The following IDI1 variants were observed in gnomAD, a reference collection of about 807,000 sequenced individuals.
The protein encoded by IDI1 is isopentenyl-diphosphate Delta-isomerase 1.
IDI1 carries 23 observed loss-of-function variants against 32.9 expected under a neutral mutation model. The observed-to-expected ratio is 0.70, with a 90% CI of 0.50 to 0.99. The LOEUF (loss-of-function observed/expected upper bound fraction) is 0.99, where lower values mean the gene tolerates loss of function less well. Ranked by LOEUF, IDI1 falls within the 50% of genes least tolerant of loss-of-function variation. IDI1 has a pLI of 0.00. For synonymous variants in IDI1, 133 were observed against 128.2 expected (o/e 1.04, Z -0.25); for missense variants, 326 against 351.9 (o/e 0.93, Z 0.59).
the IDI1 span, chr10:1,056,495 G>A: frequency 2.0e-5 from 3 of 152,086 alleles, no homozygotes; most frequent in Non-Finnish European, 2.9e-5. Context: ...GGCGGACCGC[G>A]CCCCGGGCTC....
chr10:1,041,587 C>G (rs2472532), intron 4 of IDI1, 83 bp from the exon 5 acceptor site: 2 of 678,440 alleles, frequency 2.9e-6, no homozygotes, highest in African/African-American at 3.6e-5. Context: ...TGTATTACAG[C>G]GATATCTCGA....
chr10:1,048,694 C>T, intron 1 of IDI1, 170 bp downstream of exon 1: 1 of 1,416,336 alleles, frequency 7.1e-7, no homozygotes. Flanking sequence ...CCGGGAAGGC[C>T]CGGCCTCCCT....
At position 1,049,058 on chromosome 10, in the gene IDI1, G is replaced by C; in HGVS notation, c.-55C>G. 1 of 1,444,478 alleles carries C rather than the reference G, an allele frequency of 6.9e-7. No individual in the cohort carries two copies. Among genetic ancestry groups the C allele is most frequent in the Non-Finnish European group, 9.0e-7 (1 of 1,107,190 alleles). 89.5% of individuals were successfully genotyped at this position (1,444,478 alleles called of 1,614,324 possible). ...TGACGACACAATCTCGCCAAGCTTCGCCTGGTGGTGCCACCTCCCTGGCCT... is the reference window on the plus strand; with the variant it reads ...TGACGACACAATCTCGCCAAGCTTCCCCTGGTGGTGCCACCTCCCTGGCCT... On this transcript the variant is annotated 5_prime_UTR_variant, in exon 1 of 5. Transcript: ENST00000381344.
intron 1 of IDI1, among the ~76,000 whole-genome samples, chr10:1,044,580 T>C (rs1348369556): frequency 1.3e-5 from 2 of 152,224 alleles, no homozygotes; most frequent in Non-Finnish European, 2.9e-5. Context: ...TGAATTGTTT[T>C]TCCCACTGCC....
chr10:1,048,903 T>A lies in IDI1; in HGVS notation c.101A>T (p.His34Leu). 1 of 1,606,456 alleles carries A rather than the reference T, an allele frequency of 6.2e-7. No individual in the cohort carries two copies. The highest frequency in any genetic ancestry group is 2.3e-5 in the East Asian group (1 of 44,388). Residue 34 changes from histidine (H) to leucine (L), a missense_variant, in exon 1 of 5, where the codon CAT (histidine) becomes CTT (leucine). Transcript: ENST00000381344. ...RAADCAQSGR[H>L]PGPAVVCGRR... ...GCCACAGACAACCGCCGGTCCCGGATGGCGCCCGCTTTGAGCACAGTCTGC... is the reference window on the plus strand; with the variant it reads ...GCCACAGACAACCGCCGGTCCCGGAAGGCGCCCGCTTTGAGCACAGTCTGC...
At chr10:1,052,039 A>C (rs537922279), upstream of IDI1, among the ~76,000 whole-genome samples, 16 of 152,232 alleles carry the variant, frequency 1.1e-4, no homozygotes, top group Non-Finnish European at 2.2e-4. Flanking sequence ...TGCCCGGCTA[A>C]TTTTTGTATT....
chr10:1,048,462 C>T, intron 1 of IDI1: 1 of 1,260,348 alleles, frequency 7.9e-7, no homozygotes. Context: ...GGTGTCGTCA[C>T]GCTCGTGTTT....
chr10:1,046,003 A>G (rs1054388155), intron 1 of IDI1, among the ~76,000 whole-genome samples: 2 of 152,230 alleles, frequency 1.3e-5, no homozygotes, highest in African/African-American at 4.8e-5. Flanking sequence ...TAATGTGAAA[A>G]GGAAGTCAAC....
At chr10:1,044,314 C>T (rs1317892238) in intron 1 of IDI1, 143 bp from the exon 2 acceptor site, 15 of 610,072 alleles carry the variant, frequency 2.5e-5, no homozygotes, top group African/African-American at 5.6e-5. Context: ...CGCTGCCAGC[C>T]GGCTGCTCAG....
chr10:1,042,819 T>C lies in IDI1; in HGVS notation c.407-57A>G, dbSNP rs7075193. ...TTTTCTTCAAAGTAGGTCTGAAAGA[T>C]CAAGAAAAAGTTTTATAAGTAACTG... On this transcript the variant is annotated intron_variant, in intron 3 of 4. Coordinates refer to ENST00000381344, the MANE Select transcript of IDI1 (RefSeq NM_004508.4). 12,720 of 1,515,288 alleles carry C rather than the reference T, an allele frequency of 8.4e-3. 975 individuals carry two copies. The African/African-American group carries it at 0.16, about 19-fold the overall frequency. The allele number at this position is 1,515,288 out of a possible 1,614,324, so 93.9% of individuals were successfully genotyped here. A position where few individuals can be genotyped will look rare whatever the true frequency, so the allele number is the denominator to read the frequency against.
At position 1,041,206 on chromosome 10, in the gene IDI1, T is replaced by G. The variant is rs1476909600; in HGVS notation, c.836A>C (p.Glu279Ala). Residue 279 changes from glutamate to alanine, a missense_variant, in exon 5 of 5, where the codon GAG (glutamate) becomes GCG (alanine). Glu to Ala is a moderately radical substitution (Grantham distance 107). Transcript: ENST00000381344. ...LNHLNQFVDH[E>A]KIYRM ...ACATATTCACATTCTGTATATTTTC[T>G]CATGGTCAACAAACTGATTCAAATG... 4 of 1,601,760 alleles carry G rather than the reference T, an allele frequency of 2.5e-6. No individual in the cohort carries two copies. The highest frequency in any genetic ancestry group is 2.6e-6 in the Non-Finnish European group (3 of 1,170,902).
In IDI1 at chr10:1,042,626, GGTTACCT is replaced by G; in HGVS notation, c.536_537+5del. The G allele has an allele frequency of 6.2e-7, 1 of 1,613,574 alleles. No homozygotes were observed. The highest frequency in any genetic ancestry group is 8.5e-7 in the Non-Finnish European group (1 of 1,179,672). On this transcript the variant is annotated splice_donor_variant and splice_donor_5th_base_variant and coding_sequence_variant and intron_variant, in exon 4 of 5. Transcript: ENST00000381344. LOFTEE classifies it high-confidence loss of function. ...GCTTGTATGGTTGTGTAGGAGAGCTGGTTACCTCTTCCAAGGGAATTCCTAGCTCAGC... is the reference window on the plus strand; with the variant it reads ...GCTTGTATGGTTGTGTAGGAGAGCTGCTTCCAAGGGAATTCCTAGCTCAGC...
At chr10:1,043,076 T>G (rs1041657577) in intron 3 of IDI1, among the ~76,000 whole-genome samples, 11 of 152,172 alleles carry the variant, frequency 7.2e-5, no homozygotes, top group African/African-American at 2.4e-4. Context: ...TAATACAGAT[T>G]AAAGATAAAT....
upstream of IDI1, among the ~76,000 whole-genome samples, chr10:1,050,613 G>T (rs187038167): frequency 6.6e-6 from 1 of 152,294 alleles, no homozygotes; most frequent in Non-Finnish European, 1.5e-5. Flanking sequence ...TCCAGTTCTG[G>T]GTCATGTGTA....
At chr10:1,056,050 G>GTCGGCC in the IDI1 span, among the ~76,000 whole-genome samples, 1 of 152,096 alleles carries the variant, frequency 6.6e-6, no homozygotes, top group Non-Finnish European at 1.5e-5. Context: ...CTCGTGATAC[G>GTCGGCC]TCGGCCTCGG....
At position 1,048,899 on chromosome 10, in the gene IDI1, C is replaced by G. The variant is rs767387051; in HGVS notation, c.105G>C (p.Pro35=). ...TCCGGCCACAGACAACCGCCGGTCC[C>G]GGATGGCGCCCGCTTTGAGCACAGT... ...AADCAQSGRH[P]GPAVVCGRRL... The change falls in exon 1 of 5, where the codon CCG becomes CCC. Residue 35 remains proline (P), a synonymous_variant. Coordinates refer to ENST00000381344, the MANE Select transcript of IDI1 (RefSeq NM_004508.4). The G allele has an allele frequency of 9.3e-6, 15 of 1,606,760 alleles. No homozygotes were observed. In the South Asian group the frequency reaches 9.9e-5, roughly 11 times the overall value.
In IDI1 at chr10:1,041,208, A is replaced by T. The variant is rs1832569355; in HGVS notation, c.834T>A (p.His278Gln). 6.2e-7 allele frequency: 1 copy of T among 1,602,310 alleles called. No homozygotes were observed. The highest frequency in any genetic ancestry group is 8.5e-7 in the Non-Finnish European group (1 of 1,171,538). The change falls in exon 5 of 5, where the codon CAT becomes CAA. Residue 278 changes from histidine to glutamine, a missense_variant. Coordinates refer to ENST00000381344, the MANE Select transcript of IDI1 (RefSeq NM_004508.4). ...ATATTCACATTCTGTATATTTTCTC[A>T]TGGTCAACAAACTGATTCAAATGAT... is the stretch of plus-strand genomic sequence containing the variant. ...NLNHLNQFVD[H>Q]EKIYRM
Position 1,049,084 on chromosome 10 carries a change from G to A in IDI1, c.-81C>T, listed in dbSNP as rs1832904158. The A allele has an allele frequency of 7.1e-6, 10 of 1,418,332 alleles. No homozygotes were observed. The highest frequency in any genetic ancestry group is 9.1e-6 in the Non-Finnish European group (10 of 1,093,948). 87.9% of individuals were successfully genotyped at this position (1,418,332 alleles called of 1,614,324 possible). ...CCTGGTGGTGCCACCTCCCTGGCCT[G>A]TGACAACGGCAGACGCGCGAAGCAC... On this transcript the variant is annotated 5_prime_UTR_variant, in exon 1 of 5. Transcript: ENST00000381344.
intron 1 of IDI1, 163 bp from the exon 2 acceptor site, chr10:1,044,334 G>T: frequency 1.8e-6 from 1 of 543,502 alleles, no homozygotes; most frequent in Non-Finnish European, 3.2e-6. Flanking sequence ...GCACTATCTG[G>T]GTCATCATTT....
Sources: gnomAD v4.1 joint callset for allele counts (sites outside exome capture counted in the v4.1 genomes callset) on GRCh38, gnomAD v4.1.1 for gene constraint, MANE v1.5 for transcripts, NCBI Gene and HGNC (gene_info 2026-07-23, HGNC 2026-07-21) for gene names.